PSD3: variants seen among roughly 807,000 people sequenced by gnomAD.
PSD3 encodes the protein PH and SEC7 domain-containing protein 3.
PSD3 carries 49 observed loss-of-function variants against 105.5 expected under a neutral mutation model. The ratio of observed to expected loss-of-function variants is 0.46; its 90% CI spans 0.37 to 0.59. The LOEUF (loss-of-function observed/expected upper bound fraction) is 0.59, where lower values mean the gene tolerates loss of function less well. Among genes scored for constraint, PSD3 ranks in the 20% least tolerant of loss-of-function variants. PSD3 has a pLI of 0.00. For missense variants in PSD3, 1,561 were observed against 1,263.8 expected (o/e 1.24, Z -3.57); for synonymous variants, 557 against 457.8 (o/e 1.22, Z -2.77).
chr8:19,061,722 T>C (rs1419783209), intron 1 of PSD3, among the ~76,000 whole-genome samples: 1 of 151,834 alleles, frequency 6.6e-6, no homozygotes, highest in African/African-American at 2.4e-5. Flanking sequence ...GGAGAATCGC[T>C]TGACCCCAGG....
chr8:18,802,142 C>T, intron 6 of PSD3: 1 of 208,326 alleles, frequency 4.8e-6, no homozygotes, highest in Non-Finnish European at 1.0e-5. Flanking sequence ...TCTGTTATCA[C>T]ATTTTAATAT....
chr8:18,681,326 G>C (rs1214036100), intron 9 of PSD3, among the ~76,000 whole-genome samples: 1 of 151,882 alleles, frequency 6.6e-6, no homozygotes, highest in Non-Finnish European at 1.5e-5. Flanking sequence ...AGAAATACCA[G>C]CTGGGTGCAG....
chr8:18,805,404 T>C lies in PSD3; in HGVS notation c.1635-506A>G, dbSNP rs1272653418. ...CTACATTCAATCAGTAACAATATATTATTTTGGTTGAAACACATTAAGAAA... is the reference window on the plus strand; with the variant it reads ...CTACATTCAATCAGTAACAATATATCATTTTGGTTGAAACACATTAAGAAA... On this transcript the variant is annotated intron_variant, in intron 4 of 15. Transcript: ENST00000327040. Among the ~76,000 whole-genome samples, 4 of 152,230 alleles carry C rather than the reference T, an allele frequency of 2.6e-5. No homozygotes were observed. The East Asian group carries it at 7.7e-4, about 29-fold the overall frequency.
chr8:18,782,342 A>C (rs922027905), intron 8 of PSD3, among the ~76,000 whole-genome samples: 1 of 151,750 alleles, frequency 6.6e-6, no homozygotes, highest in Non-Finnish European at 1.5e-5. Flanking sequence ...ATTTTTTTCT[A>C]TAGAGCTATC....
In PSD3 at chr8:18,611,525, T is replaced by C. The variant is rs571464780; in HGVS notation, c.2411-11091A>G. Among the ~76,000 whole-genome samples the C allele has an allele frequency of 1.4e-4, 21 of 152,312 alleles. 1 individual carries two copies. Among genetic ancestry groups the C allele is most frequent in the Admixed American group, 1.4e-3 (21 of 15,292 alleles). On this transcript the variant is annotated intron_variant, in intron 11 of 15. Transcript: ENST00000327040. Reference sequence around the variant, plus strand: ...AAGTCACTTAGCCAGTCCTATGCTTTACTTTCTTCCTGTATAAAACAGTTT... The same window carrying C: ...AAGTCACTTAGCCAGTCCTATGCTTCACTTTCTTCCTGTATAAAACAGTTT...
intron 15 of PSD3, among the ~76,000 whole-genome samples, chr8:18,539,862 A>G (rs1800059969): frequency 6.6e-6 from 1 of 152,086 alleles, no homozygotes; most frequent in Non-Finnish European, 1.5e-5. Flanking sequence ...TTACTTTTTA[A>G]AGGTTTGACA....
At chr8:18,802,906 G>A (rs958655209) in intron 6 of PSD3, among the ~76,000 whole-genome samples, 5 of 152,198 alleles carry the variant, frequency 3.3e-5, no homozygotes, top group Non-Finnish European at 2.9e-5. Flanking sequence ...GGATATTGTT[G>A]CAAACAGTTT....
intron 14 of PSD3, among the ~76,000 whole-genome samples, chr8:18,564,845 C>T (rs1801633488): frequency 6.6e-6 from 1 of 152,088 alleles, no homozygotes; most frequent in Non-Finnish European, 1.5e-5. Flanking sequence ...GTGGGGGTTA[C>T]TTCAGCGTGA....
chr8:18,907,849 CTTTCA>C (rs1819948819), intron 2 of PSD3, among the ~76,000 whole-genome samples: 1 of 152,280 alleles, frequency 6.6e-6, no homozygotes, highest in African/African-American at 2.4e-5. Flanking sequence ...TTTCAATTTC[CTTTCA>C]TTTAAACTTT....
intron 9 of PSD3, among the ~76,000 whole-genome samples, chr8:18,717,985 C>T (rs960856190): frequency 6.6e-6 from 1 of 152,142 alleles, no homozygotes; most frequent in African/African-American, 2.4e-5. Flanking sequence ...CGGCACCCAG[C>T]GGCCTGCCTC....
chr8:18,943,905 C>T (rs140760838), intron 1 of PSD3, among the ~76,000 whole-genome samples: 15 of 151,878 alleles, frequency 9.9e-5, no homozygotes, highest in Middle Eastern at 3.4e-3. Context: ...AGCAGGAGAC[C>T]GGAAGAGTTT....
chr8:18,775,083 C>T, intron 8 of PSD3: 1 of 400,340 alleles, frequency 2.5e-6, no homozygotes, highest in South Asian at 1.8e-5. Flanking sequence ...TTTTTAAGCC[C>T]CCCCAAGTTT....
At chr8:19,021,578 A>T (rs1827364494) in intron 1 of PSD3, among the ~76,000 whole-genome samples, 1 of 151,486 alleles carries the variant, frequency 6.6e-6, no homozygotes, top group African/African-American at 2.4e-5. Context: ...AAAAACCCAT[A>T]GCTTCTTGGA....
At chr8:18,746,337 T>C (rs918595526) in intron 9 of PSD3, among the ~76,000 whole-genome samples, 1 of 152,190 alleles carries the variant, frequency 6.6e-6, no homozygotes, top group Non-Finnish European at 1.5e-5. Context: ...TGCTGACCCT[T>C]GCTGAAAGCC....
intron 8 of PSD3, among the ~76,000 whole-genome samples, chr8:18,775,959 T>C (rs969265274): frequency 6.6e-6 from 1 of 152,174 alleles, no homozygotes; most frequent in East Asian, 1.9e-4. Context: ...TCTTTTCTTC[T>C]AGTAGTTTCA....
At chr8:18,602,242 T>C (rs899934283) in intron 11 of PSD3, among the ~76,000 whole-genome samples, 1 of 152,172 alleles carries the variant, frequency 6.6e-6, no homozygotes, top group African/African-American at 2.4e-5. Flanking sequence ...GATCAATTAA[T>C]CCAAGTACAT....
At chr8:19,059,598 A>G (rs935165294) in intron 1 of PSD3, among the ~76,000 whole-genome samples, 1 of 152,214 alleles carries the variant, frequency 6.6e-6, no homozygotes, top group Admixed American at 6.5e-5. Flanking sequence ...CTGTGCCTAG[A>G]CAGGGAGATT....
chr8:19,039,361 G>A (rs1828049248), intron 1 of PSD3, among the ~76,000 whole-genome samples: 1 of 152,108 alleles, frequency 6.6e-6, no homozygotes, highest in Non-Finnish European at 1.5e-5. Context: ...ATCTGTATCT[G>A]CATGTCCCAG....
chr8:18,808,849 G>T (rs1811433018), intron 4 of PSD3: 3 of 1,605,750 alleles, frequency 1.9e-6, no homozygotes, highest in Non-Finnish European at 2.5e-6. Context: ...GTATTCTTCA[G>T]CTCCCAAGTT....
Sources: gnomAD v4.1 joint callset for allele counts (sites outside exome capture counted in the v4.1 genomes callset) on GRCh38, gnomAD v4.1.1 for gene constraint, MANE v1.5 for transcripts, NCBI Gene and HGNC (gene_info 2026-07-23, HGNC 2026-07-21) for gene names.